Variants in GABRG3 observed in about 807,000 individuals in gnomAD.
GABRG3 encodes gamma-aminobutyric acid type A receptor subunit gamma3.
GABRG3 carries 25 observed loss-of-function variants against 48.8 expected under a neutral mutation model. That is an observed-to-expected ratio of 0.51 (90% CI 0.37 to 0.72). The LOEUF (loss-of-function observed/expected upper bound fraction) is 0.72, where lower values mean the gene tolerates loss of function less well. Among genes scored for constraint, GABRG3 ranks in the 30% least tolerant of loss-of-function variants. The probability of loss-of-function intolerance (pLI) is 0.00; values close to 1 mark genes in which losing one functional copy is unlikely to be tolerated. For synonymous variants in GABRG3, 227 were observed against 217.6 expected (o/e 1.04, Z -0.38); for missense variants, 394 against 577.9 (o/e 0.68, Z 3.26).
chr15:27,323,191 G>A (rs1032949372), intron 3 of GABRG3, among the ~76,000 whole-genome samples: 1 of 152,166 alleles, frequency 6.6e-6, no homozygotes, highest in African/African-American at 2.4e-5. Context: ...TGTTAGTGGA[G>A]GGTCCTGTAA....
chr15:27,056,369 A>AAAAAG (rs1477889177), intron 3 of GABRG3, among the ~76,000 whole-genome samples: 1 of 149,960 alleles, frequency 6.7e-6, no homozygotes, highest in Admixed American at 6.6e-5. Context: ...AAAAAAAAAA[A>AAAAAG]AAAAGAAAAG....
At chr15:27,053,983 C>T (rs1393968767) in intron 3 of GABRG3, among the ~76,000 whole-genome samples, 2 of 151,912 alleles carry the variant, frequency 1.3e-5, no homozygotes, top group African/African-American at 2.4e-5. Flanking sequence ...AGGGAGGGGC[C>T]GGGTGTGGCG....
At chr15:27,023,718 G>A (rs1895937660) in intron 2 of GABRG3, among the ~76,000 whole-genome samples, 1 of 152,284 alleles carries the variant, frequency 6.6e-6, no homozygotes, top group Middle Eastern at 3.4e-3. Flanking sequence ...TTGTCGATGA[G>A]CACTTGAACT....
chr15:26,999,360 G>C (rs1895402226), intron 2 of GABRG3, among the ~76,000 whole-genome samples: 1 of 152,020 alleles, frequency 6.6e-6, no homozygotes, highest in Non-Finnish European at 1.5e-5. Flanking sequence ...CAGAATATAG[G>C]GGTTCAGGAA....
rs1019765479 is a variant in GABRG3, at chr15:26,974,278, A to C, written c.53+2690A>C. ...CCACCTGTCCTGGCCTCTAAGGAGG[A>C]AGCGCTTGCAATTTCAGGAAAACCC... is the stretch of plus-strand genomic sequence containing the variant. On this transcript the variant is annotated intron_variant, in intron 1 of 9. Transcript: ENST00000615808. The surrounding 1 kb of genome is among the most constrained non-coding windows in gnomAD (Gnocchi z 4.3). Among the ~76,000 whole-genome samples the C allele has an allele frequency of 7.2e-5, 11 of 152,138 alleles. No homozygotes were observed. Among genetic ancestry groups the C allele is most frequent in the Non-Finnish European group, 1.5e-4 (10 of 68,034 alleles).
intron 5 of GABRG3, among the ~76,000 whole-genome samples, chr15:27,453,662 C>T (rs1261652814): frequency 3.9e-5 from 6 of 152,258 alleles, no homozygotes; most frequent in East Asian, 1.9e-4. Context: ...AGTGCAATGG[C>T]GCAATCTTGG....
intron 3 of GABRG3, among the ~76,000 whole-genome samples, chr15:27,086,408 A>G (rs1270376506): frequency 6.6e-6 from 1 of 152,198 alleles, no homozygotes; most frequent in Non-Finnish European, 1.5e-5. Flanking sequence ...CTCTGAGCTT[A>G]GACTGGGAAG....
chr15:27,402,788 A>G (rs553294078), intron 5 of GABRG3, among the ~76,000 whole-genome samples: 64 of 152,376 alleles, frequency 4.2e-4, no homozygotes, highest in Non-Finnish European at 8.4e-4. Flanking sequence ...AGGAGAAAAT[A>G]TACCATAAGC....
chr15:27,254,659 G>A (rs1463427822), intron 3 of GABRG3, among the ~76,000 whole-genome samples: 1 of 152,088 alleles, frequency 6.6e-6, no homozygotes, highest in Non-Finnish European at 1.5e-5. Flanking sequence ...GCCGCTCTCA[G>A]GGGCCTCTTT....
chr15:27,298,010 C>T (rs1035639206), intron 3 of GABRG3, among the ~76,000 whole-genome samples: 1 of 151,780 alleles, frequency 6.6e-6, no homozygotes. Context: ...GATCCTCAAA[C>T]GTTACATCAG....
intron 3 of GABRG3, among the ~76,000 whole-genome samples, chr15:27,060,551 T>C (rs1168930790): frequency 6.6e-6 from 1 of 152,184 alleles, no homozygotes; most frequent in East Asian, 1.9e-4. Context: ...CTTTCGTGAG[T>C]CCGTGCCATT....
intron 3 of GABRG3, among the ~76,000 whole-genome samples, chr15:27,226,566 C>G (rs1889623919): frequency 6.6e-6 from 1 of 151,762 alleles, no homozygotes; most frequent in Non-Finnish European, 1.5e-5. Flanking sequence ...TGAGCCACCA[C>G]TCAGTGGTGA....
At chr15:27,512,093 A>G (rs555635930) in intron 6 of GABRG3, among the ~76,000 whole-genome samples, 1 of 152,306 alleles carries the variant, frequency 6.6e-6, no homozygotes, top group African/African-American at 2.4e-5. Flanking sequence ...TGAGATAGAA[A>G]GTCCCTGGAG....
intron 3 of GABRG3, among the ~76,000 whole-genome samples, chr15:27,073,846 A>G (rs931129169): frequency 6.6e-6 from 1 of 152,244 alleles, no homozygotes; most frequent in Non-Finnish European, 1.5e-5. Context: ...ATCACTGCCA[A>G]GCCCTCGTGG....
intron 3 of GABRG3, among the ~76,000 whole-genome samples, chr15:27,315,372 G>A (rs553449309): frequency 3.9e-5 from 6 of 152,270 alleles, no homozygotes; most frequent in Admixed American, 2.6e-4. Flanking sequence ...TCTTGAGTAG[G>A]ACAAAATATA....
intron 1 of GABRG3, among the ~76,000 whole-genome samples, chr15:26,971,971 C>G (rs1350179706): frequency 6.6e-6 from 1 of 152,118 alleles, no homozygotes; most frequent in Non-Finnish European, 1.5e-5. Context: ...CTGACATTCT[C>G]TGTCATTTCC....
chr15:27,197,655 A>C (rs1888539015), intron 3 of GABRG3, among the ~76,000 whole-genome samples: 1 of 152,006 alleles, frequency 6.6e-6, no homozygotes, highest in Non-Finnish European at 1.5e-5. Flanking sequence ...AAGGATAAAT[A>C]TTGCTTGGCT....
At chr15:27,205,075 A>G (rs896168617) in intron 3 of GABRG3, among the ~76,000 whole-genome samples, 1 of 151,814 alleles carries the variant, frequency 6.6e-6, no homozygotes, top group African/African-American at 2.4e-5. Flanking sequence ...TGCTCTATCT[A>G]GGACTTCCAG....
chr15:27,344,057 A>G (rs556162366), intron 5 of GABRG3, among the ~76,000 whole-genome samples: 6 of 152,220 alleles, frequency 3.9e-5, no homozygotes, highest in Non-Finnish European at 8.8e-5. Flanking sequence ...CATAAAAAGG[A>G]GGACATTCAG....
Sources: allele counts gnomAD v4.1 joint callset (sites outside exome capture counted in the v4.1 genomes callset), GRCh38; gene constraint gnomAD v4.1.1; non-coding constraint Gnocchi (gnomAD v3.1); transcripts MANE v1.5; gene names NCBI Gene and HGNC (gene_info 2026-07-23, HGNC 2026-07-21).